Variants in ITGA7 observed in about 807,000 individuals in gnomAD.
The protein encoded by ITGA7 is integrin subunit alpha 7.
In ITGA7, 84 loss-of-function variants were observed where a neutral mutation model predicts 131.6. The observed-to-expected ratio is 0.64, with a 90% confidence interval of 0.54 to 0.77. ITGA7 has a LOEUF of 0.77. Ranked by LOEUF, ITGA7 falls within the 30% of genes least tolerant of loss-of-function variation. The pLI, the probability that ITGA7 is intolerant of heterozygous loss-of-function variation, is 0.00. For synonymous variants in ITGA7, 548 were observed against 600.7 expected (o/e 0.91, Z 1.28); for missense variants, 1,399 against 1,482.9 (o/e 0.94, Z 0.93).
chr12:55,704,089 G>A (rs1240229183), intron 1 of ITGA7, among the ~76,000 whole-genome samples: 1 of 152,238 alleles, frequency 6.6e-6, no homozygotes, highest in African/African-American at 2.4e-5. Flanking sequence ...GAAGGCGGGG[G>A]TGAGGTAAGA....
upstream of ITGA7, among the ~76,000 whole-genome samples, chr12:55,709,259 C>T (rs1875808732): frequency 6.6e-6 from 1 of 152,224 alleles, no homozygotes; most frequent in Non-Finnish European, 1.5e-5. Context: ...TCTTTCTTCT[C>T]TTTCCCTTTC....
At position 55,694,897 on chromosome 12, in the gene ITGA7, T is replaced by C. The variant is rs1872295658; in HGVS notation, c.2077A>G (p.Asn693Asp). The stretch of plus-strand genomic sequence containing the variant: ...GGCTGGGCTGGGTCCGATGGCAGGT[T>C]GGTGACCATCAGCTCCAGGCCAATG... ...PVIGLELMVT[N>D]LPSDPAQPQA... The change falls in exon 15 of 25, where the codon AAC becomes GAC. Residue 693 changes from asparagine (N) to aspartate (D), a missense_variant. Physicochemically the swap from Asn to Asp is conservative, Grantham distance 23. Transcript: ENST00000257879. The surrounding 1 kb of genome is among the most constrained non-coding windows in gnomAD (Gnocchi z 5.3). 6.2e-7 allele frequency: 1 copy of C among 1,614,074 alleles called. No individual in the cohort carries two copies. Among genetic ancestry groups the C allele is most frequent in the Non-Finnish European group, 8.5e-7 (1 of 1,179,988 alleles).
chr12:55,707,787 C>A lies in ITGA7; in HGVS notation c.-105G>T. 6.6e-7 allele frequency: 1 copy of A among 1,525,744 alleles called. No homozygotes were observed. The highest frequency in any genetic ancestry group is 1.2e-5 in the South Asian group (1 of 82,306). The allele number at this position is 1,525,744 out of a possible 1,614,324, so 94.5% of individuals were successfully genotyped here. A position where few individuals can be genotyped will look rare whatever the true frequency, so the allele number is the denominator to read the frequency against. On this transcript the variant is annotated 5_prime_UTR_variant, in exon 1 of 25. Coordinates refer to ENST00000257879, the MANE Select transcript of ITGA7 (RefSeq NM_002206.3). ...CTCTGGTCTCCAAAGTCTCGTTGGT[C>A]TTTCAGACGTCTCCCAGACGTTCGC...
Position 55,707,720 on chromosome 12 carries a change from G to C in ITGA7, c.-38C>G. The C allele has an allele frequency of 3.2e-6, 5 of 1,552,566 alleles. No homozygotes were observed. The highest frequency in any genetic ancestry group is 4.4e-6 in the Non-Finnish European group (5 of 1,147,658). On this transcript the variant is annotated 5_prime_UTR_variant, in exon 1 of 25. Coordinates refer to ENST00000257879, the MANE Select transcript of ITGA7 (RefSeq NM_002206.3). The stretch of plus-strand genomic sequence containing the variant: ...GCGCGAGCTCCCAGCGAATGCAAGG[G>C]AAATCTCGCACGCCCCAAGCCCCAG...
chr12:55,687,871 T>C (rs1210379654), intron 24 of ITGA7, 100 bp downstream of exon 24: 1 of 1,514,610 alleles, frequency 6.6e-7, no homozygotes, highest in African/African-American at 1.4e-5. Context: ...GCAGATTTGC[T>C]GAATACATGA....
upstream of ITGA7, chr12:55,716,290 A>G (rs1187254466): frequency 1.3e-6 from 2 of 1,517,932 alleles, no homozygotes; most frequent in Non-Finnish European, 1.8e-6. Flanking sequence ...TATCCAGGGA[A>G]AGACGCCAGC....
At chr12:55,697,316 G>T in intron 10 of ITGA7, 39 bp from the exon 11 acceptor site, 1 of 1,583,980 alleles carries the variant, frequency 6.3e-7, no homozygotes, top group South Asian at 1.1e-5. Flanking sequence ...AAACGAGGCT[G>T]ATGGGCCAAG....
rs934564717 is a variant in ITGA7, at chr12:55,697,820, C to T, written c.1284G>A (p.Val428=). Residue 428 remains valine (V), a splice_region_variant and synonymous_variant, in exon 9 of 25, where the codon GTG becomes GTA. Coordinates refer to ENST00000257879, the MANE Select transcript of ITGA7 (RefSeq NM_002206.3). ...SLGVVAKPSQ[V]LEGEAVGIKS... is the part of the protein sequence containing the mutation. ...TGATGCCCACAGCCTCGCCCTCCAG[C>T]ACCTAGAGAACCAGCTGTCAGCCTC... 1 of 1,614,166 alleles carries T rather than the reference C, an allele frequency of 6.2e-7. No homozygotes were observed. Among genetic ancestry groups the T allele is most frequent in the Non-Finnish European group, 8.5e-7 (1 of 1,180,020 alleles).
At chr12:55,697,191 G>A in intron 11 of ITGA7, 25 bp downstream of exon 11, 1 of 1,587,284 alleles carries the variant, frequency 6.3e-7, no homozygotes, top group Non-Finnish European at 8.6e-7. Flanking sequence ...AAAAGGGCGA[G>A]CCACAGAGGG....
chr12:55,707,392 C>T, intron 1 of ITGA7, 85 bp downstream of exon 1: 1 of 1,113,780 alleles, frequency 9.0e-7, no homozygotes, highest in Non-Finnish European at 1.4e-6. Context: ...GGCTAGAAAA[C>T]AGAGAAATGA....
At chr12:55,689,011 C>A in intron 21 of ITGA7, 54 bp from the exon 22 acceptor site, 1 of 1,338,214 alleles carries the variant, frequency 7.5e-7, no homozygotes, top group South Asian at 1.2e-5. Flanking sequence ...CCTGCTGAGA[C>A]TGCCATCTCT....
chr12:55,693,373 T>A, intron 19 of ITGA7, 56 bp from the exon 20 acceptor site: 1 of 1,490,310 alleles, frequency 6.7e-7, no homozygotes. Context: ...TTTTTTTTTT[T>A]TTTAATTTTT....
At position 55,700,056 on chromosome 12, in the gene ITGA7, A is replaced by G. The variant is rs563922381; in HGVS notation, c.671-67T>C. 2.6e-5 allele frequency: 41 copies of G among 1,584,528 alleles called. No homozygotes were observed. In the African/African-American group the frequency reaches 5.0e-4, roughly 19 times the overall value. ...AGTAGGGGCCACAGAGTAGGGAGACAGAGCCACAGAAAGGCCAGAAAATGG... is the reference window on the plus strand; with the variant it reads ...AGTAGGGGCCACAGAGTAGGGAGACGGAGCCACAGAAAGGCCAGAAAATGG... On this transcript the variant is annotated intron_variant, in intron 4 of 24. Coordinates refer to ENST00000257879, the MANE Select transcript of ITGA7 (RefSeq NM_002206.3).
At chr12:55,699,017 G>A (rs1873343375) in intron 5 of ITGA7, 100 bp from the exon 6 acceptor site, 3 of 1,140,432 alleles carry the variant, frequency 2.6e-6, no homozygotes, top group South Asian at 2.7e-5. Context: ...TACAGGTTAA[G>A]AGCCAAGTCA....
chr12:55,692,800 A>C, intron 21 of ITGA7, 44 bp downstream of exon 21: 1 of 1,569,092 alleles, frequency 6.4e-7, no homozygotes, highest in Non-Finnish European at 8.6e-7. Context: ...CTGGACACGC[A>C]GCACCCCGGA....
upstream of ITGA7, among the ~76,000 whole-genome samples, chr12:55,714,431 T>C (rs1328499872): frequency 6.7e-6 from 1 of 149,906 alleles, no homozygotes; most frequent in African/African-American, 2.5e-5. Context: ...GGCAGGAGAA[T>C]GGCGTGAACC....
At chr12:55,701,718 C>T (rs1874063020) in intron 3 of ITGA7, among the ~76,000 whole-genome samples, 1 of 151,960 alleles carries the variant, frequency 6.6e-6, no homozygotes, top group African/African-American at 2.4e-5. Context: ...GTAGCTGGGA[C>T]TACAGGCATG....
In ITGA7 at chr12:55,707,667, T is replaced by C. The variant is rs1449745995; in HGVS notation, c.16A>G (p.Ser6Gly). 1 of 1,579,636 alleles carries C rather than the reference T, an allele frequency of 6.3e-7. No homozygotes were observed. Among genetic ancestry groups the C allele is most frequent in the Non-Finnish European group, 8.6e-7 (1 of 1,162,798 alleles). The change falls in exon 1 of 25, where the codon AGC becomes GGC. Residue 6 changes from serine (S) to glycine (G), a missense_variant. Transcript: ENST00000257879. Reference sequence around the variant, plus strand: ...CCGGAGGCCCCCCAAGGGTCGCGGCTCCGAGCCCCGGCCATGGGACGATCC... The same window carrying C: ...CCGGAGGCCCCCCAAGGGTCGCGGCCCCGAGCCCCGGCCATGGGACGATCC... MAGARSRDPWGASGIC... is the reference protein window; with the variant it reads MAGARGRDPWGASGIC...
rs1869784548 is a variant in ITGA7, at chr12:55,685,131, G to A, written c.3341C>T (p.Ala1114Val). ...WGSPRREGPD[A>V]HPILAADGHP... ...CCCGTCAGCAGCCAGGATGGGGTGT[G>A]CATCCGGGCCCTCCCGCCGGGGGCT... Residue 1114 changes from alanine (A) to valine (V), a missense_variant, in exon 25 of 25, where the codon GCA becomes GTA. Ala to Val is a moderately conservative substitution (Grantham distance 64). Coordinates refer to ENST00000257879, the MANE Select transcript of ITGA7 (RefSeq NM_002206.3). 1.2e-6 allele frequency: 2 copies of A among 1,613,036 alleles called. No homozygotes were observed. Among genetic ancestry groups the A allele is most frequent in the African/African-American group, 1.3e-5 (1 of 75,070 alleles).
Sources: allele counts gnomAD v4.1 joint callset (sites outside exome capture counted in the v4.1 genomes callset), GRCh38; gene constraint gnomAD v4.1.1; non-coding constraint Gnocchi (gnomAD v3.1); transcripts MANE v1.5; gene names NCBI Gene and HGNC (gene_info 2026-07-23, HGNC 2026-07-21).